MTMR8: variants seen among roughly 807,000 people sequenced by gnomAD.
MTMR8 encodes phosphatidylinositol-3,5-bisphosphate 3-phosphatase MTMR8.
In MTMR8, 65 loss-of-function variants were observed where a neutral mutation model predicts 39.3. That is an observed-to-expected ratio of 1.65 (90% CI 1.35 to 2.03). The LOEUF (loss-of-function observed/expected upper bound fraction) is 2.03, where lower values mean the gene tolerates loss of function less well. MTMR8 is among the 30% of genes most tolerant of loss of function. The pLI is 0.00. For missense variants in MTMR8, 777 were observed against 538.9 expected (o/e 1.44, Z -4.37); for synonymous variants, 245 against 185.2 (o/e 1.32, Z -2.62).
intron 1 of MTMR8, among the ~76,000 whole-genome samples, chrX:64,374,782 C>T (rs768373617): frequency 5.6e-4 from 62 of 110,108 alleles, no homozygotes; most frequent in Middle Eastern, 4.6e-3. Flanking sequence ...TCCAGGACTG[C>T]CAAGGTGGGC....
intron 1 of MTMR8, among the ~76,000 whole-genome samples, chrX:64,369,636 G>A (rs1050387448): frequency 1.8e-5 from 2 of 111,108 alleles, no homozygotes; most frequent in East Asian, 2.8e-4. Context: ...CAGGGGAAGC[G>A]ATAGCATTAG....
intron 12 of MTMR8, among the ~76,000 whole-genome samples, chrX:64,288,986 G>C (rs998660160): frequency 2.7e-5 from 3 of 109,703 alleles, no homozygotes; most frequent in Non-Finnish European, 5.7e-5. Flanking sequence ...CCTGCATGTT[G>C]TGCACATGTA....
At chrX:64,328,022 A>C (rs1009753544) in intron 12 of MTMR8, among the ~76,000 whole-genome samples, 2 of 112,063 alleles carry the variant, frequency 1.8e-5, no homozygotes, top group African/African-American at 3.2e-5. Context: ...AAAAAAATAC[A>C]ATAAATACTC....
chrX:64,279,980 CT>C (rs1931966823), intron 12 of MTMR8, among the ~76,000 whole-genome samples: 1 of 111,958 alleles, frequency 8.9e-6, no homozygotes, highest in African/African-American at 3.2e-5. Flanking sequence ...CACATACACC[CT>C]CCCAAGACTA....
At chrX:64,294,716 C>T (rs1408580388) in intron 12 of MTMR8, among the ~76,000 whole-genome samples, 1 of 111,747 alleles carries the variant, frequency 8.9e-6, no homozygotes, top group East Asian at 2.8e-4. Context: ...AGATGACTGT[C>T]TTTTTGCTGT....
intron 12 of MTMR8, among the ~76,000 whole-genome samples, chrX:64,291,454 C>T (rs2147139268): frequency 9.0e-6 from 1 of 110,847 alleles, no homozygotes; most frequent in East Asian, 2.9e-4. Context: ...GTTTCCTTGC[C>T]TTCCTCCCCT....
intron 12 of MTMR8, among the ~76,000 whole-genome samples, chrX:64,293,980 AC>A (rs1569212146): frequency 9.0e-6 from 1 of 111,579 alleles, no homozygotes; most frequent in African/African-American, 3.3e-5. Context: ...GAACCAGTTA[AC>A]TTTCCCCTAC....
At chrX:64,319,885 G>A (rs751143493) in intron 12 of MTMR8, among the ~76,000 whole-genome samples, 6 of 110,787 alleles carry the variant, frequency 5.4e-5, no homozygotes, top group Non-Finnish European at 9.4e-5. Context: ...TCGGTGATGC[G>A]GGCTCTTTTT....
At chrX:64,294,210 A>T (rs1331591621) in intron 12 of MTMR8, among the ~76,000 whole-genome samples, 1 of 112,163 alleles carries the variant, frequency 8.9e-6, no homozygotes, top group African/African-American at 3.2e-5. Context: ...ACTAGATATC[A>T]TCACCTTAAT....
At chrX:64,323,975 A>T (rs1248477121) in intron 12 of MTMR8, among the ~76,000 whole-genome samples, 4 of 112,929 alleles carry the variant, frequency 3.5e-5, no homozygotes, top group African/African-American at 1.3e-4. Flanking sequence ...AAAGATCACA[A>T]ATAAAAACCT....
intron 1 of MTMR8, among the ~76,000 whole-genome samples, chrX:64,367,202 C>A (rs1223125873): frequency 8.9e-6 from 1 of 111,984 alleles, no homozygotes; most frequent in African/African-American, 3.2e-5. Flanking sequence ...TGGCACCATC[C>A]TTTCTGAAAC....
intron 2 of MTMR8, among the ~76,000 whole-genome samples, chrX:64,357,344 A>T (rs974080032): frequency 9.0e-6 from 1 of 111,688 alleles, no homozygotes; most frequent in East Asian, 2.8e-4. Context: ...TGGAAAAGTC[A>T]TCTCTTCAAT....
chrX:64,372,397 T>C (rs774269973), intron 1 of MTMR8, among the ~76,000 whole-genome samples: 3 of 111,328 alleles, frequency 2.7e-5, no homozygotes, highest in Non-Finnish European at 3.8e-5. Context: ...ATATCACACG[T>C]ATAGCTTTGT....
In MTMR8 at chrX:64,316,763, A is replaced by C. The variant is rs184567136; in HGVS notation, c.1481+12009T>G. 4.5e-5 allele frequency among the ~76,000 whole-genome samples: 5 copies of C among 111,197 alleles called. No individual in the cohort carries two copies. In the Admixed American group the frequency reaches 4.8e-4, roughly 11 times the overall value. ...GATTTCTGATGAGAAATCCACTGTCATTTAAACTGTTTTTCCCCTATAAGT... is the reference window on the plus strand; with the variant it reads ...GATTTCTGATGAGAAATCCACTGTCCTTTAAACTGTTTTTCCCCTATAAGT... On this transcript the variant is annotated intron_variant, in intron 12 of 13. Coordinates refer to ENST00000374852, the MANE Select transcript of MTMR8 (RefSeq NM_017677.4).
chrX:64,300,538 A>C (rs1213069947), intron 12 of MTMR8, among the ~76,000 whole-genome samples: 18 of 108,384 alleles, frequency 1.7e-4, no homozygotes, highest in Admixed American at 3.0e-4. Context: ...CCAATTTGCC[A>C]GTCTGTGTCT....
chrX:64,389,666 T>A (rs1924646062), intron 1 of MTMR8, among the ~76,000 whole-genome samples: 1 of 111,862 alleles, frequency 8.9e-6, no homozygotes, highest in South Asian at 3.7e-4. Context: ...GACAGGCTGA[T>A]CTTTGACACC....
Position 64,393,100 on chromosome X carries a change from T to C in MTMR8, c.24+2240A>G, listed in dbSNP as rs72623458. Among the ~76,000 whole-genome samples the C allele has an allele frequency of 0.024, 2,691 of 111,958 alleles. 165 individuals are homozygous for C. The East Asian group carries it at 0.29, about 12-fold the overall frequency. On this transcript the variant is annotated intron_variant, in intron 1 of 13. Transcript: ENST00000374852. ...AAGACTAATCACACTATCCATGCAG[T>C]ACAAATGGAGTCTGACCATGATGCA...
chrX:64,324,928 A>C (rs377663150), intron 12 of MTMR8, among the ~76,000 whole-genome samples: 1 of 110,476 alleles, frequency 9.1e-6, no homozygotes, highest in Admixed American at 9.7e-5. Flanking sequence ...CTGGCCTAAG[A>C]AAAAACAGAG....
intron 8 of MTMR8, among the ~76,000 whole-genome samples, chrX:64,340,076 G>A (rs1213096910): frequency 8.9e-6 from 1 of 111,780 alleles, no homozygotes; most frequent in East Asian, 2.8e-4. Context: ...TTAGAGGTCA[G>A]GGTGTAAGAG....
Sources: gnomAD v4.1 joint callset for allele counts (sites outside exome capture counted in the v4.1 genomes callset) on GRCh38, gnomAD v4.1.1 for gene constraint, MANE v1.5 for transcripts, NCBI Gene and HGNC (gene_info 2026-07-23, HGNC 2026-07-21) for gene names.